ZMIZ1: variants seen among roughly 807,000 people sequenced by gnomAD.
The protein encoded by ZMIZ1 is zinc finger MIZ-type containing 1.
A neutral mutation model predicts 113.9 loss-of-function variants in ZMIZ1; 17 were observed. The observed-to-expected ratio is 0.15, with a 90% CI of 0.10 to 0.22. ZMIZ1 has a LOEUF of 0.22. Among genes scored for constraint, ZMIZ1 ranks in the 10% least tolerant of loss-of-function variants. The probability of loss-of-function intolerance (pLI) is 1.00; values close to 1 mark genes in which losing one functional copy is unlikely to be tolerated. For missense variants in ZMIZ1, 1,059 were observed against 1,477.8 expected (o/e 0.72, Z 4.65); for synonymous variants, 607 against 603.1 (o/e 1.01, Z -0.09).
At chr10:79,166,691 C>A (rs1240943903) in intron 4 of ZMIZ1, among the ~76,000 whole-genome samples, 1 of 152,232 alleles carries the variant, frequency 6.6e-6, no homozygotes, top group Non-Finnish European at 1.5e-5. Flanking sequence ...TGTACAGGAG[C>A]TGGCTGCCTG....
At chr10:79,124,857 T>C (rs1844446403) in intron 2 of ZMIZ1, among the ~76,000 whole-genome samples, 1 of 152,162 alleles carries the variant, frequency 6.6e-6, no homozygotes, top group African/African-American at 2.4e-5. Context: ...CCTGAGGGCC[T>C]TGAATGCTAG....
At chr10:79,223,668 C>T (rs9645492) in intron 7 of ZMIZ1, among the ~76,000 whole-genome samples, 9,829 of 152,278 alleles carry the variant, frequency 0.065, 473 homozygotes, top group South Asian at 0.16. Context: ...GAGGAGGAAA[C>T]GGGAAGACAC....
At chr10:79,137,929 C>G (rs866604063) in intron 2 of ZMIZ1, among the ~76,000 whole-genome samples, 1 of 152,292 alleles carries the variant, frequency 6.6e-6, no homozygotes. Context: ...TAACTCACAG[C>G]TGTGCGGTCC....
At chr10:79,156,152 AGAAAT>A (rs977583129) in intron 3 of ZMIZ1, among the ~76,000 whole-genome samples, 20 of 152,270 alleles carry the variant, frequency 1.3e-4, no homozygotes, top group African/African-American at 4.6e-4. Context: ...TTTTAAATAA[AGAAAT>A]GAATGAATGA....
rs1396881654 is a variant in ZMIZ1, at chr10:79,202,209, AAAAAAG to A, written c.60+521_60+526del. Among the ~76,000 whole-genome samples, 965 of 136,810 alleles carry A rather than the reference AAAAAAG, an allele frequency of 7.1e-3. 6 individuals are homozygous for A. The highest frequency in any genetic ancestry group is 0.012 in the African/African-American group (444 of 35,832). The allele number at this position is 136,810 out of a possible 152,430, so 89.8% of individuals were successfully genotyped here. ...TCTCAGAAAAAAAAAAAAAAAAAAA[AAAAAAG>A]AAAGAAAGAAAGAAGGAAGGAAGGA... is the stretch of plus-strand genomic sequence containing the variant. On this transcript the variant is annotated intron_variant, in intron 5 of 24. Transcript: ENST00000334512.
intron 4 of ZMIZ1, among the ~76,000 whole-genome samples, chr10:79,183,655 C>G (rs1847227378): frequency 6.6e-6 from 1 of 152,202 alleles, no homozygotes; most frequent in Non-Finnish European, 1.5e-5. Flanking sequence ...CTAGCAATGC[C>G]CTTGGCTGTG....
intron 1 of ZMIZ1, among the ~76,000 whole-genome samples, chr10:79,077,020 C>T (rs1405045350): frequency 6.6e-6 from 1 of 152,148 alleles, no homozygotes; most frequent in Admixed American, 6.5e-5. Flanking sequence ...CTTGGTCCTG[C>T]CTTCACTTCC....
chr10:79,298,576 C>G lies in ZMIZ1; in HGVS notation c.1662C>G (p.Pro554=). The part of the protein sequence containing the change: ...IKPNMSALPP[P]PANHNDELRL... ...CAAATATGAGCGCTCTGCCACCACCCCCAGGTGAGGGCCCTCCCTCCCTCT... is the reference window on the plus strand; with the variant it reads ...CAAATATGAGCGCTCTGCCACCACCGCCAGGTGAGGGCCCTCCCTCCCTCT... Residue 554 remains proline (P), a synonymous_variant, in exon 15 of 25, where the codon CCC becomes CCG. Coordinates refer to ENST00000334512, the MANE Select transcript of ZMIZ1 (RefSeq NM_020338.4). 6.3e-7 allele frequency: 1 copy of G among 1,597,522 alleles called. No individual in the cohort carries two copies. The highest frequency in any genetic ancestry group is 2.3e-5 in the East Asian group (1 of 43,308).
intron 8 of ZMIZ1, among the ~76,000 whole-genome samples, chr10:79,289,281 A>T (rs1460686661): frequency 6.6e-6 from 1 of 152,166 alleles, no homozygotes; most frequent in East Asian, 1.9e-4. Context: ...TGGCCCAGGC[A>T]GCCAGGCTGC....
intron 7 of ZMIZ1, among the ~76,000 whole-genome samples, chr10:79,253,516 A>G (rs1405209494): frequency 6.6e-6 from 1 of 152,194 alleles, no homozygotes; most frequent in East Asian, 1.9e-4. Context: ...TTCAGAGTCC[A>G]GAAAAGCCTT....
At chr10:79,161,912 T>G in intron 3 of ZMIZ1, 141 bp from the exon 4 acceptor site, 1 of 398,196 alleles carries the variant, frequency 2.5e-6, no homozygotes, top group East Asian at 3.6e-5. Context: ...GGGGCCTGTT[T>G]ATGCCAGGGC....
intron 1 of ZMIZ1, among the ~76,000 whole-genome samples, chr10:79,106,362 T>C (rs1173493268): frequency 1.3e-5 from 2 of 152,238 alleles, no homozygotes; most frequent in Non-Finnish European, 2.9e-5. Flanking sequence ...TGGAGTGCTA[T>C]ACAGAATAGC....
intron 7 of ZMIZ1, among the ~76,000 whole-genome samples, chr10:79,229,013 G>A (rs923354134): frequency 6.6e-6 from 1 of 152,240 alleles, no homozygotes; most frequent in Non-Finnish European, 1.5e-5. Context: ...TTACAGTCCA[G>A]GCTCTGAGAC....
At chr10:79,293,116 T>G (rs1853620101) in intron 11 of ZMIZ1, among the ~76,000 whole-genome samples, 1 of 151,872 alleles carries the variant, frequency 6.6e-6, no homozygotes, top group Non-Finnish European at 1.5e-5. Flanking sequence ...TGCCTGTGCA[T>G]CGGAGTGACC....
intron 4 of ZMIZ1, among the ~76,000 whole-genome samples, chr10:79,165,885 GC>G (rs2132509572): frequency 9.1e-6 from 1 of 110,496 alleles, no homozygotes; most frequent in African/African-American, 3.6e-5. Flanking sequence ...GAGCAGCCAA[GC>G]CTGACTTGGC....
chr10:79,103,116 C>G lies in ZMIZ1; in HGVS notation c.-336-15799C>G, dbSNP rs74141681. Reference sequence around the variant, plus strand: ...TAGATGAGGGCAGTCTGGGAGGACCCCTTGAGAAACTGTAAAACAGCCAGC... The same window carrying G: ...TAGATGAGGGCAGTCTGGGAGGACCGCTTGAGAAACTGTAAAACAGCCAGC... On this transcript the variant is annotated intron_variant, in intron 1 of 24. Transcript: ENST00000334512. Among the ~76,000 whole-genome samples, 339 of 151,894 alleles carry G rather than the reference C, an allele frequency of 2.2e-3. 4 individuals are homozygous for G. The highest frequency in any genetic ancestry group is 0.01 in the Middle Eastern group (3 of 294).
rs1286965921 is a variant in ZMIZ1 at position 79,311,037 on chromosome 10, T to C, written c.2949T>C (p.Pro983=). Residue 983 remains proline (P), a synonymous_variant, in exon 24 of 25, where the codon CCT becomes CCC. Transcript: ENST00000334512. ...CATTACATCACAGTGGGGCTCCTCC[T>C]CCTCCTCCTTCCCAGCCTCCCCGGC... ...GPPLHHSGAP[P]PPPSQPPRQP... 6.2e-7 allele frequency: 1 copy of C among 1,613,232 alleles called. No homozygotes were observed.
intron 7 of ZMIZ1, among the ~76,000 whole-genome samples, chr10:79,224,826 C>T (rs958735577): frequency 1.3e-5 from 2 of 151,918 alleles, no homozygotes; most frequent in African/African-American, 4.8e-5. Context: ...GCAAGTTGTT[C>T]CTTCAGGAGG....
At chr10:79,173,401 G>A (rs1469439599) in intron 4 of ZMIZ1, among the ~76,000 whole-genome samples, 1 of 152,130 alleles carries the variant, frequency 6.6e-6, no homozygotes, top group Non-Finnish European at 1.5e-5. Flanking sequence ...GATGTCCCTG[G>A]CCTAGAGGCT....
Sources: gnomAD v4.1 joint callset for allele counts (sites outside exome capture counted in the v4.1 genomes callset) on GRCh38, gnomAD v4.1.1 for gene constraint, MANE v1.5 for transcripts, NCBI Gene and HGNC (gene_info 2026-07-23, HGNC 2026-07-21) for gene names.